The following SEMA7A variants were observed in gnomAD, a reference collection of about 807,000 sequenced individuals.
SEMA7A encodes the protein semaphorin-7A.
A neutral mutation model predicts 67.5 loss-of-function variants in SEMA7A; 21 were observed. The observed-to-expected ratio is 0.31, with a 90% confidence interval of 0.22 to 0.45. The LOEUF (loss-of-function observed/expected upper bound fraction) is 0.45. SEMA7A is among the 20% of genes least tolerant of loss of function. SEMA7A has a pLI of 1.00. For missense variants in SEMA7A, 774 were observed against 908.6 expected, an observed-to-expected ratio of 0.85 and a Z score of 1.90; for synonymous variants, 364 against 368.5, an observed-to-expected ratio of 0.99 and a Z score of 0.14.
Position 74,433,760 on chromosome 15 carries a change from G to A in SEMA7A, c.159C>T (p.Arg53=). ...SAQGHLRSGP[R]IFAVWKGHVG... ...GCCTACCTTTCCAGACGGCGAAGATGCGGGGTCCGCTCCTTAGGTGGCCCT... is the reference window on the plus strand; with the variant it reads ...GCCTACCTTTCCAGACGGCGAAGATACGGGGTCCGCTCCTTAGGTGGCCCT... Residue 53 remains arginine (R), a synonymous_variant, in exon 1 of 14, where the codon CGC becomes CGT. Coordinates refer to ENST00000261918, the MANE Select transcript of SEMA7A (RefSeq NM_003612.5). The A allele has an allele frequency of 2.1e-6, 3 of 1,445,990 alleles. No homozygotes were observed. Among genetic ancestry groups the A allele is most frequent in the South Asian group, 1.4e-5 (1 of 73,922 alleles). 89.6% of individuals were successfully genotyped at this position (1,445,990 alleles called of 1,614,324 possible). A position where few individuals can be genotyped will look rare whatever the true frequency, so the allele number is the denominator to read the frequency against.
chr15:74,428,183 A>G (rs188050120), intron 1 of SEMA7A, among the ~76,000 whole-genome samples: 21 of 152,394 alleles, frequency 1.4e-4, no homozygotes, highest in Admixed American at 6.5e-4. Flanking sequence ...TCCTGAAGAG[A>G]GGACACTCAC....
chr15:74,430,946 C>T (rs977003447), intron 1 of SEMA7A, among the ~76,000 whole-genome samples: 19 of 152,202 alleles, frequency 1.2e-4, no homozygotes, highest in Admixed American at 3.9e-4. Context: ...AGGGCAGAAC[C>T]AGCCGGGCAG....
rs917481784 is a variant in SEMA7A at position 74,425,511 on chromosome 15, G to A, written c.179-6559C>T. ...CAAGGTCAGCCCTTCCCAGACAGAT[G>A]AGGAGACCAAAGCCTACCGAGGGTG... is the stretch of plus-strand genomic sequence containing the variant. On this transcript the variant is annotated intron_variant, in intron 1 of 13. Transcript: ENST00000261918. 1.2e-4 allele frequency among the ~76,000 whole-genome samples: 18 copies of A among 152,176 alleles called. 1 individual carries two copies. Among genetic ancestry groups the A allele is most frequent in the Admixed American group, 1.1e-3 (17 of 15,284 alleles).
chr15:74,416,933 G>A (rs1377074041), intron 6 of SEMA7A, among the ~76,000 whole-genome samples: 1 of 152,180 alleles, frequency 6.6e-6, no homozygotes, highest in Non-Finnish European at 1.5e-5. Flanking sequence ...GATGTCATCG[G>A]CCCAGGAGCA....
chr15:74,432,541 T>C (rs2061097254), intron 1 of SEMA7A, among the ~76,000 whole-genome samples: 1 of 152,214 alleles, frequency 6.6e-6, no homozygotes, highest in Non-Finnish European at 1.5e-5. Context: ...TCAGTGACCT[T>C]GGGCAAGTCA....
At chr15:74,419,047 G>A in intron 1 of SEMA7A, 95 bp from the exon 2 acceptor site, 2 of 1,405,296 alleles carry the variant, frequency 1.4e-6, no homozygotes, top group Non-Finnish European at 1.9e-6. Context: ...CCAGTGCTTG[G>A]TGCTCAGGGT....
Position 74,423,217 on chromosome 15 carries a change from C to G in SEMA7A, c.179-4265G>C, listed in dbSNP as rs190198972. ...GAGCGTCCTCCCACAGTTGTGCCCC[C>G]ACCCCTGCACTGCCAGGCCTACCTC... On this transcript the variant is annotated intron_variant, in intron 1 of 13. Transcript: ENST00000261918. This position sits in a 1 kb window ranked among gnomAD's most constrained non-coding sequence, Gnocchi z 4.1. 2.6e-5 allele frequency among the ~76,000 whole-genome samples: 4 copies of G among 152,346 alleles called. No homozygotes were observed. The highest frequency in any genetic ancestry group is 1.3e-4 in the Admixed American group (2 of 15,310).
intron 1 of SEMA7A, among the ~76,000 whole-genome samples, chr15:74,422,082 A>G (rs1194893923): frequency 6.6e-6 from 1 of 152,118 alleles, no homozygotes; most frequent in Non-Finnish European, 1.5e-5. Flanking sequence ...AGCCTGGCAG[A>G]GTCCTAATGA....
chr15:74,427,221 T>C (rs967642588), intron 1 of SEMA7A: 21 of 985,310 alleles, frequency 2.1e-5, no homozygotes, highest in Non-Finnish European at 2.5e-5. Flanking sequence ...TGGGATTTCA[T>C]CTGGCCTATG....
In SEMA7A at chr15:74,423,756, T is replaced by C. The variant is rs985387942; in HGVS notation, c.179-4804A>G. ...AGTGTAGGTGCCGTGCATGTCAGAG[T>C]GGTAGAGGAAACCCTTCCACTAGGG... On this transcript the variant is annotated intron_variant, in intron 1 of 13. Transcript: ENST00000261918. This position sits in a 1 kb window ranked among gnomAD's most constrained non-coding sequence, Gnocchi z 4.1. Among the ~76,000 whole-genome samples the C allele has an allele frequency of 1.3e-4, 19 of 151,338 alleles. No individual in the cohort carries two copies. The highest frequency in any genetic ancestry group is 4.4e-4 in the African/African-American group (18 of 41,084).
rs775613236 is a variant in SEMA7A, at chr15:74,417,619, C to T, written c.522G>A (p.Pro174=). The change falls in exon 5 of 14, where the codon CCG becomes CCA. Residue 174 remains proline (P), a synonymous_variant. Coordinates refer to ENST00000261918, the MANE Select transcript of SEMA7A (RefSeq NM_003612.5). ...CAAACAGAACCAGGGAGTTCTCGTC[C>T]GGGCTGAAGGGGGCGTAGCCTCTCA... ...GEMRGYAPFS[P]DENSLVLFEG... The T allele has an allele frequency of 1.7e-5, 28 of 1,612,728 alleles. No individual in the cohort carries two copies. The South Asian group carries it at 2.1e-4, about 12-fold the overall frequency.
rs1460252042 is a variant in SEMA7A at position 74,414,743 on chromosome 15, G to A, written c.1098C>T (p.Cys366=). 9 of 1,614,020 alleles carry A rather than the reference G, an allele frequency of 5.6e-6. No individual in the cohort carries two copies. The highest frequency in any genetic ancestry group is 7.6e-6 in the Non-Finnish European group (9 of 1,180,050). Residue 366 remains cysteine, a splice_region_variant and synonymous_variant, in exon 10 of 14, where the codon TGC becomes TGT. Transcript: ENST00000261918. The surrounding 1 kb of genome is among the most constrained non-coding windows in gnomAD (Gnocchi z 4.1). The part of the protein sequence containing the change: ...SSLPNPRPGK[C]LPDQQPIPTE... Reference sequence around the variant, plus strand: ...TGGGTATCGGCTGCTGGTCTGGGAGGCACTGGGCAAGGAGAGCAGGCCCAG... The same window carrying A: ...TGGGTATCGGCTGCTGGTCTGGGAGACACTGGGCAAGGAGAGCAGGCCCAG...
In SEMA7A at chr15:74,416,727, G is replaced by A; in HGVS notation, c.662-13C>T. ...ATGAACTGTGGGTCTGCCAGGGACAGAGGCGAGTGGGCGTAAGGCTGGGAA... is the reference window on the plus strand; with the variant it reads ...ATGAACTGTGGGTCTGCCAGGGACAAAGGCGAGTGGGCGTAAGGCTGGGAA... On this transcript the variant is annotated splice_polypyrimidine_tract_variant and intron_variant, in intron 6 of 13. Transcript: ENST00000261918. 6.2e-7 allele frequency: 1 copy of A among 1,613,358 alleles called. No homozygotes were observed. The highest frequency in any genetic ancestry group is 8.5e-7 in the Non-Finnish European group (1 of 1,179,458).
chr15:74,424,126 A>G (rs947330254), intron 1 of SEMA7A, among the ~76,000 whole-genome samples: 22 of 152,170 alleles, frequency 1.4e-4, no homozygotes, highest in African/African-American at 5.3e-4. Flanking sequence ...GGAGGGGAGT[A>G]TATCTCATGT....
intron 2 of SEMA7A, 108 bp downstream of exon 2, chr15:74,418,693 G>T: frequency 8.1e-7 from 1 of 1,234,972 alleles, no homozygotes; most frequent in African/African-American, 1.5e-5. Context: ...GGAGGTGGGG[G>T]CAGTTTAGGA....
intron 7 of SEMA7A, 51 bp from the exon 8 acceptor site, chr15:74,416,036 C>T (rs1341658316): frequency 1.3e-6 from 2 of 1,566,068 alleles, no homozygotes; most frequent in Middle Eastern, 1.7e-4. Context: ...CCGGGCTTCC[C>T]CACACACCCC....
Position 74,418,057 on chromosome 15 carries a change from G to A in SEMA7A, c.373-88C>T. On this transcript the variant is annotated intron_variant, in intron 3 of 13. Transcript: ENST00000261918. ...CACTAGGACCCCCAGGATCAGGGAAGAAGGTGTCAGAAGGGCTTAGCATAG... is the reference window on the plus strand; with the variant it reads ...CACTAGGACCCCCAGGATCAGGGAAAAAGGTGTCAGAAGGGCTTAGCATAG... The A allele has an allele frequency of 2.1e-6, 3 of 1,427,612 alleles. No individual in the cohort carries two copies. The Admixed American group carries it at 5.2e-5, about 25-fold the overall frequency. 88.4% of individuals were successfully genotyped at this position (1,427,612 alleles called of 1,614,324 possible).
intron 10 of SEMA7A, among the ~76,000 whole-genome samples, chr15:74,413,559 G>A (rs1596187944): frequency 1.3e-5 from 2 of 152,260 alleles, no homozygotes; most frequent in African/African-American, 4.8e-5. Flanking sequence ...TGCCATCCCT[G>A]GCTGACCACA....
intron 1 of SEMA7A, among the ~76,000 whole-genome samples, chr15:74,419,224 G>A (rs983077349): frequency 6.6e-6 from 1 of 152,178 alleles, no homozygotes; most frequent in Non-Finnish European, 1.5e-5. Flanking sequence ...CACAGTATGT[G>A]TGATCTCAGA....
Sources: gnomAD v4.1 joint callset for allele counts (sites outside exome capture counted in the v4.1 genomes callset) on GRCh38, gnomAD v4.1.1 for gene constraint, Gnocchi (gnomAD v3.1) non-coding constraint, MANE v1.5 for transcripts, NCBI Gene and HGNC (gene_info 2026-07-23, HGNC 2026-07-21) for gene names.